Variants in DRD3 observed in about 807,000 individuals in gnomAD.
DRD3 encodes the protein D(3) dopamine receptor.
Under a neutral mutation model 36.3 loss-of-function variants are expected in DRD3, and 19 were observed. The ratio of observed to expected loss-of-function variants is 0.52; its 90% confidence interval spans 0.36 to 0.77. The LOEUF (loss-of-function observed/expected upper bound fraction) is 0.77, where lower values mean the gene tolerates loss of function less well. DRD3 is among the 30% of genes least tolerant of loss of function. DRD3 has a pLI of 0.00. For synonymous variants in DRD3, 195 were observed against 203.7 expected, an observed-to-expected ratio of 0.96 and a Z score of 0.36; for missense variants, 465 against 505.3, an observed-to-expected ratio of 0.92 and a Z score of 0.77.
intron 2 of DRD3, among the ~76,000 whole-genome samples, chr3:114,164,095 C>T (rs942712400): frequency 3.4e-5 from 5 of 145,836 alleles, no homozygotes; most frequent in Non-Finnish European, 6.1e-5. Flanking sequence ...GTGGTGGGCG[C>T]CTGTTATCCT....
At chr3:114,134,464 G>C (rs1362506994) in intron 5 of DRD3, among the ~76,000 whole-genome samples, 6 of 152,032 alleles carry the variant, frequency 3.9e-5, no homozygotes, top group Non-Finnish European at 7.4e-5. Flanking sequence ...TCTGTCACCA[G>C]GCTGGAGTGA....
chr3:114,185,856 T>G (rs1031854557), intron 1 of DRD3, among the ~76,000 whole-genome samples: 3 of 152,128 alleles, frequency 2.0e-5, no homozygotes, highest in African/African-American at 7.2e-5. Flanking sequence ...ATTTATTTAT[T>G]TATAGAAGTG....
chr3:114,167,257 G>A (rs2077794668), intron 2 of DRD3, among the ~76,000 whole-genome samples: 1 of 152,028 alleles, frequency 6.6e-6, no homozygotes. Context: ...ATGTTCCCCT[G>A]GCCGCTTATA....
intron 6 of DRD3, 111 bp downstream of exon 6, chr3:114,131,007 C>T (rs945927909): frequency 5.5e-6 from 7 of 1,265,308 alleles, no homozygotes; most frequent in Middle Eastern, 2.8e-4. Context: ...ATATTGTGAA[C>T]ATTTGATAAG....
chr3:114,191,762 T>C (rs2078011966), intron 1 of DRD3, among the ~76,000 whole-genome samples: 1 of 152,094 alleles, frequency 6.6e-6, no homozygotes, highest in South Asian at 2.1e-4. Flanking sequence ...AATGGATAAA[T>C]TGTGGGACAT....
Position 114,134,787 on chromosome 3 carries a change from TC to T in DRD3, c.724-3388del, listed in dbSNP as rs558003002. On this transcript the variant is annotated intron_variant, in intron 5 of 6. Coordinates refer to ENST00000383673, the MANE Select transcript of DRD3 (RefSeq NM_000796.6). ...AATTCTAGAATAATATACATTTTTTTCTTGAAGATTTTAAAAATTCATATAT... is the reference window on the plus strand; with the variant it reads ...AATTCTAGAATAATATACATTTTTTTTTGAAGATTTTAAAAATTCATATAT... Among the ~76,000 whole-genome samples, 8 of 152,290 alleles carry T rather than the reference TC, an allele frequency of 5.3e-5. No homozygotes were observed. The South Asian group carries it at 1.7e-3, about 32-fold the overall frequency.
At chr3:114,150,492 C>T (rs951507360) in intron 3 of DRD3, among the ~76,000 whole-genome samples, 7 of 152,334 alleles carry the variant, frequency 4.6e-5, no homozygotes, top group African/African-American at 1.4e-4. Context: ...AATCTTCTTA[C>T]AACCTTGATA....
chr3:114,141,663 G>C (rs2077524543), intron 4 of DRD3, among the ~76,000 whole-genome samples: 1 of 152,142 alleles, frequency 6.6e-6, no homozygotes, highest in South Asian at 2.1e-4. Context: ...ATCTTTACAA[G>C]CTACTCCTAA....
intron 3 of DRD3, among the ~76,000 whole-genome samples, chr3:114,153,822 C>A (rs1335018333): frequency 6.6e-6 from 1 of 152,064 alleles, no homozygotes; most frequent in Non-Finnish European, 1.5e-5. Flanking sequence ...GTCTCAGCAC[C>A]TTTATTTATA....
upstream of DRD3, among the ~76,000 whole-genome samples, chr3:114,180,845 A>G (rs183971219): frequency 1.2e-4 from 19 of 152,312 alleles, no homozygotes. Flanking sequence ...ATGCACTGCT[A>G]AAACTTGGCT....
chr3:114,136,130 G>A (rs2077472572), intron 5 of DRD3, among the ~76,000 whole-genome samples: 1 of 152,050 alleles, frequency 6.6e-6, no homozygotes, highest in Non-Finnish European at 1.5e-5. Flanking sequence ...TATTAGCTGG[G>A]TGCAGCCCAA....
At chr3:114,158,033 T>A (rs2077698386) in intron 3 of DRD3, among the ~76,000 whole-genome samples, 1 of 151,286 alleles carries the variant, frequency 6.6e-6, no homozygotes, top group African/African-American at 2.4e-5. Context: ...ACCCGGGAGG[T>A]GGAGGTTACA....
intron 1 of DRD3, among the ~76,000 whole-genome samples, chr3:114,177,980 A>C (rs1165762430): frequency 1.3e-5 from 2 of 152,226 alleles, no homozygotes; most frequent in Non-Finnish European, 2.9e-5. Context: ...ATTATTATTC[A>C]TGCATGTATT....
chr3:114,187,285 T>C (rs2077980812), intron 1 of DRD3, among the ~76,000 whole-genome samples: 1 of 152,258 alleles, frequency 6.6e-6, no homozygotes, highest in Non-Finnish European at 1.5e-5. Context: ...CTTCTCTTGG[T>C]TAAGTGCCTT....
chr3:114,162,094 G>T (rs1348230655), intron 2 of DRD3, among the ~76,000 whole-genome samples: 1 of 152,160 alleles, frequency 6.6e-6, no homozygotes, highest in East Asian at 1.9e-4. Context: ...TGTCATGTGT[G>T]TTGAGAGGTT....
chr3:114,194,257 A>C (rs2078025950), intron 1 of DRD3, among the ~76,000 whole-genome samples: 1 of 151,944 alleles, frequency 6.6e-6, no homozygotes, highest in African/African-American at 2.4e-5. Context: ...CCATAGTAGG[A>C]CCCTCTGAAT....
At chr3:114,153,891 A>G (rs1054117358) in intron 3 of DRD3, among the ~76,000 whole-genome samples, 1 of 152,166 alleles carries the variant, frequency 6.6e-6, no homozygotes, top group African/African-American at 2.4e-5. Context: ...ATAATGAATG[A>G]AGAGTTCTTA....
chr3:114,167,621 A>G (rs543756867), intron 2 of DRD3, among the ~76,000 whole-genome samples: 34 of 152,322 alleles, frequency 2.2e-4, no homozygotes, highest in African/African-American at 6.7e-4. Flanking sequence ...TATATGCCCA[A>G]GTGAAGGCTC....
At chr3:114,195,606 C>G (rs960739773) in intron 1 of DRD3, among the ~76,000 whole-genome samples, 1 of 151,942 alleles carries the variant, frequency 6.6e-6, no homozygotes, top group Non-Finnish European at 1.5e-5. Flanking sequence ...GACTTTTAAA[C>G]GTTATTGGCC....
Sources: gnomAD v4.1 joint callset for allele counts (sites outside exome capture counted in the v4.1 genomes callset) on GRCh38, gnomAD v4.1.1 for gene constraint, MANE v1.5 for transcripts, NCBI Gene and HGNC (gene_info 2026-07-23, HGNC 2026-07-21) for gene names.